KLHL36: variants seen among roughly 807,000 people sequenced by gnomAD.
The protein encoded by KLHL36 is kelch like family member 36.
In KLHL36, 35 loss-of-function variants were observed where a neutral mutation model predicts 53.3. The ratio of observed to expected loss-of-function variants is 0.66; its 90% CI spans 0.50 to 0.87. The LOEUF (loss-of-function observed/expected upper bound fraction) is 0.87. KLHL36 is among the 40% of genes least tolerant of loss of function. KLHL36 has a pLI of 0.00. For synonymous variants in KLHL36, 472 were observed against 398.9 expected (o/e 1.18, Z -2.18); for missense variants, 864 against 897.6 (o/e 0.96, Z 0.48).
At chr16:84,653,839 C>CG (rs1907045536) in intron 2 of KLHL36, among the ~76,000 whole-genome samples, 1 of 62,774 alleles carries the variant, frequency 1.6e-5, no homozygotes, top group African/African-American at 7.6e-5. Context: ...GGCTCTGTAT[C>CG]CAAAAAAAAA....
intron 2 of KLHL36, among the ~76,000 whole-genome samples, chr16:84,652,008 C>G (rs1567555664): frequency 1.3e-5 from 2 of 152,200 alleles, no homozygotes; most frequent in African/African-American, 4.8e-5. Context: ...GAGGTTGGCT[C>G]TCTTGAGATA....
At chr16:84,656,135 T>G (rs551876714) in intron 2 of KLHL36, among the ~76,000 whole-genome samples, 7 of 152,310 alleles carry the variant, frequency 4.6e-5, no homozygotes, top group East Asian at 3.9e-4. Flanking sequence ...CCTCAAGTGA[T>G]TCTCCCGTCT....
In KLHL36 at chr16:84,648,561, G is replaced by T. The variant is rs1906588903; in HGVS notation, c.-105G>T. On this transcript the variant is annotated 5_prime_UTR_variant, in exon 1 of 5. Transcript: ENST00000564996. This position sits in a 1 kb window ranked among gnomAD's most constrained non-coding sequence, Gnocchi z 4.9. ...CCATGGCTGCGCAGCGGGCTGGCCG[G>T]GGGTCTCCTGAACCCGGGCCCCGCC... 1 of 147,368 alleles carries T rather than the reference G, an allele frequency of 6.8e-6. No homozygotes were observed. Among genetic ancestry groups the T allele is most frequent in the Admixed American group, 6.8e-5 (1 of 14,772 alleles). 9.1% of individuals were successfully genotyped at this position (147,368 alleles called of 1,614,324 possible). A position where few individuals can be genotyped will look rare whatever the true frequency, so the allele number is the denominator to read the frequency against.
At position 84,661,913 on chromosome 16, in the gene KLHL36, G is replaced by A; in HGVS notation, c.1631G>A (p.Trp544Ter). 1 of 1,599,248 alleles carries A rather than the reference G, an allele frequency of 6.3e-7. No individual in the cohort carries two copies. The highest frequency in any genetic ancestry group is 8.5e-7 in the Non-Finnish European group (1 of 1,170,928). The change falls in exon 5 of 5, where the codon TGG (tryptophan) becomes TAG (stop). Residue 544 changes from tryptophan to a stop codon, truncating the protein, a stop_gained. Transcript: ENST00000564996. LOFTEE classifies it high-confidence loss of function. The surrounding 1 kb of genome is among the most constrained non-coding windows in gnomAD (Gnocchi z 7.9). ...HANSESGVAV[W>*]EGRIYILGGY... ...AACAGCGAGTCGGGCGTGGCAGTGT[G>A]GGAGGGCCGCATCTACATCCTGGGC...
At chr16:84,659,673 C>A in intron 3 of KLHL36, 87 bp from the exon 4 acceptor site, 1 of 1,367,504 alleles carries the variant, frequency 7.3e-7, no homozygotes, top group Non-Finnish European at 1.0e-6. Context: ...TTGTGCATTC[C>A]GCAGACACAT....
chr16:84,655,539 C>CA (rs1907149800), intron 2 of KLHL36, among the ~76,000 whole-genome samples: 1 of 151,454 alleles, frequency 6.6e-6, no homozygotes, highest in South Asian at 2.1e-4. Context: ...CTCGTCTCTA[C>CA]AAAAAAATTT....
chr16:84,659,855 C>T lies in KLHL36; in HGVS notation c.1233C>T (p.Leu411=). 6.2e-7 allele frequency: 1 copy of T among 1,614,178 alleles called. No individual in the cohort carries two copies. The highest frequency in any genetic ancestry group is 1.1e-5 in the South Asian group (1 of 91,088). The part of the protein sequence containing the change: ...AIGGRNENGA[L]SSVETYSPKT... ...GCGGCCGGAATGAGAACGGAGCGCT[C>T]TCTTCAGTAGAGACGTACAGTCCCA... The change falls in exon 4 of 5, where the codon CTC becomes CTT. Residue 411 remains leucine, a synonymous_variant. Coordinates refer to ENST00000564996, the MANE Select transcript of KLHL36 (RefSeq NM_024731.4).
At position 84,656,861 on chromosome 16, in the gene KLHL36, C is replaced by G; in HGVS notation, c.64-10C>G. ...TGCTGCGCCGTTTCTAATGTGTCTT[C>G]TCTGTCCAGGTATACCGCTGGGCCG... On this transcript the variant is annotated splice_polypyrimidine_tract_variant and intron_variant, in intron 2 of 4. Transcript: ENST00000564996. 1.9e-6 allele frequency: 3 copies of G among 1,592,404 alleles called. No homozygotes were observed. The highest frequency in any genetic ancestry group is 2.6e-6 in the Non-Finnish European group (3 of 1,166,376).
Position 84,661,623 on chromosome 16 carries a change from C to T in KLHL36, c.1341C>T (p.Tyr447=). Residue 447 remains tyrosine (Y), a synonymous_variant, in exon 5 of 5, where the codon TAC becomes TAT. Coordinates refer to ENST00000564996, the MANE Select transcript of KLHL36 (RefSeq NM_024731.4). This position sits in a 1 kb window ranked among gnomAD's most constrained non-coding sequence, Gnocchi z 7.9. ...GCACCATCTACAAAGACTTCGTGTA[C>T]ATCTCGGGGGGCCACGACTACCAAA... ...HAGTIYKDFV[Y]ISGGHDYQIG... The T allele has an allele frequency of 1.3e-6, 2 of 1,538,408 alleles. No homozygotes were observed. The highest frequency in any genetic ancestry group is 1.7e-4 in the Middle Eastern group (1 of 5,778).
rs113631350 is a variant in KLHL36, at chr16:84,648,792, C to T, written c.-17+143C>T. 25,995 of 141,966 alleles carry T rather than the reference C, an allele frequency of 0.18. 3,196 individuals are homozygous for T. The highest frequency in any genetic ancestry group is 0.27 in the Non-Finnish European group (17,663 of 64,360). The allele number at this position is 141,966 out of a possible 1,614,324, so 8.8% of individuals were successfully genotyped here. A position where few individuals can be genotyped will look rare whatever the true frequency, so the allele number is the denominator to read the frequency against. ...CTGCGCCCCTTGGTGCCGGGGCGGGCGGGTGGGCGAGTGGGGGCGCCGCGG... is the reference window on the plus strand; with the variant it reads ...CTGCGCCCCTTGGTGCCGGGGCGGGTGGGTGGGCGAGTGGGGGCGCCGCGG... On this transcript the variant is annotated intron_variant, in intron 1 of 4. Transcript: ENST00000564996. This position sits in a 1 kb window ranked among gnomAD's most constrained non-coding sequence, Gnocchi z 4.9.
chr16:84,652,947 G>A lies in KLHL36; in HGVS notation c.63+2017G>A, dbSNP rs368575760. ...AAGATGTGTTGCTCAGCCAGGCACAGTGGCTCACGCCTGTAATCCCAGCAC... is the reference window on the plus strand; with the variant it reads ...AAGATGTGTTGCTCAGCCAGGCACAATGGCTCACGCCTGTAATCCCAGCAC... On this transcript the variant is annotated intron_variant, in intron 2 of 4. Coordinates refer to ENST00000564996, the MANE Select transcript of KLHL36 (RefSeq NM_024731.4). Among the ~76,000 whole-genome samples, 30 of 152,318 alleles carry A rather than the reference G, an allele frequency of 2.0e-4. No individual in the cohort carries two copies. The East Asian group carries it at 5.0e-3, about 25-fold the overall frequency.
intron 2 of KLHL36, 109 bp downstream of exon 2, chr16:84,651,039 C>T: frequency 1.1e-6 from 1 of 875,278 alleles, no homozygotes; most frequent in Admixed American, 2.7e-5. Flanking sequence ...TTGGTGTTGT[C>T]AGTCTCCTTA....
chr16:84,652,108 C>G (rs530333212), intron 2 of KLHL36, among the ~76,000 whole-genome samples: 2 of 152,166 alleles, frequency 1.3e-5, no homozygotes, highest in African/African-American at 2.4e-5. Context: ...TCTCGCCGCT[C>G]GCTCACAAGG....
At chr16:84,654,073 G>C (rs1408177154) in intron 2 of KLHL36, among the ~76,000 whole-genome samples, 1 of 152,254 alleles carries the variant, frequency 6.6e-6, no homozygotes, top group Middle Eastern at 3.4e-3. Context: ...GCTTTCCCCA[G>C]TCCTGCCCCC....
In KLHL36 at chr16:84,663,323, G is replaced by C. The variant is rs1907666939; in HGVS notation, c.*1190G>C. 6.6e-6 allele frequency: 1 copy of C among 152,326 alleles called. No individual in the cohort carries two copies. Among genetic ancestry groups the C allele is most frequent in the Non-Finnish European group, 1.5e-5 (1 of 68,108 alleles). The allele number at this position is 152,326 out of a possible 1,614,324, so 9.4% of individuals were successfully genotyped here. A position where few individuals can be genotyped will look rare whatever the true frequency, so the allele number is the denominator to read the frequency against. On this transcript the variant is annotated 3_prime_UTR_variant, in exon 5 of 5. Coordinates refer to ENST00000564996, the MANE Select transcript of KLHL36 (RefSeq NM_024731.4). ...GATAGGGCCATTCAGCCTCTGAGCT[G>C]TTCGTACCCGGATGGCATCCCCTTC...
In KLHL36 at chr16:84,661,968, C is replaced by T. The variant is rs756713263; in HGVS notation, c.1686C>T (p.Ser562=). 1.3e-6 allele frequency: 2 copies of T among 1,599,110 alleles called. No individual in the cohort carries two copies. Among genetic ancestry groups the T allele is most frequent in the Non-Finnish European group, 1.7e-6 (2 of 1,174,058 alleles). ...ACAGCTGGGAGAACACTGCCTTCTC[C>T]AAGACCGTGCAGGTGTACGACCGCG... ...GGYSWENTAF[S]KTVQVYDREA... Residue 562 remains serine (S), a synonymous_variant, in exon 5 of 5, where the codon TCC becomes TCT. Coordinates refer to ENST00000564996, the MANE Select transcript of KLHL36 (RefSeq NM_024731.4). This position sits in a 1 kb window ranked among gnomAD's most constrained non-coding sequence, Gnocchi z 7.9.
rs977382705 is a variant in KLHL36 at position 84,660,081 on chromosome 16, C to T, written c.1295+164C>T. Among the ~76,000 whole-genome samples the T allele has an allele frequency of 2.6e-5, 4 of 152,104 alleles. No individual in the cohort carries two copies. The East Asian group carries it at 5.8e-4, about 22-fold the overall frequency. On this transcript the variant is annotated intron_variant, in intron 4 of 4. Transcript: ENST00000564996. ...ACACCATGAGGGGCGGAGGGCGTGA[C>T]GGTGCACAGTCCGGGCTCCGGTTTC...
At position 84,659,585 on chromosome 16, in the gene KLHL36, C is replaced by T. The variant is rs1016999831; in HGVS notation, c.1138-175C>T. ...GGGGATTCAGAGCATCTTGGTGAAACCTCGGGGGCTCAGAGCTCCCACCTG... is the reference window on the plus strand; with the variant it reads ...GGGGATTCAGAGCATCTTGGTGAAATCTCGGGGGCTCAGAGCTCCCACCTG... On this transcript the variant is annotated intron_variant, in intron 3 of 4. Coordinates refer to ENST00000564996, the MANE Select transcript of KLHL36 (RefSeq NM_024731.4). The T allele has an allele frequency of 6.3e-6, 4 of 633,344 alleles. No individual in the cohort carries two copies. In the African/African-American group the frequency reaches 7.3e-5, roughly 12 times the overall value. 39.2% of individuals were successfully genotyped at this position (633,344 alleles called of 1,614,324 possible). A position where few individuals can be genotyped will look rare whatever the true frequency, so the allele number is the denominator to read the frequency against.
chr16:84,656,221 G>A (rs1907190039), intron 2 of KLHL36, among the ~76,000 whole-genome samples: 1 of 151,434 alleles, frequency 6.6e-6, no homozygotes, highest in Admixed American at 6.6e-5. Context: ...TTGGTTTTGG[G>A]TTTTTTTGGT....
Sources: allele counts gnomAD v4.1 joint callset (sites outside exome capture counted in the v4.1 genomes callset), GRCh38; gene constraint gnomAD v4.1.1; non-coding constraint Gnocchi (gnomAD v3.1); transcripts MANE v1.5; gene names NCBI Gene and HGNC (gene_info 2026-07-23, HGNC 2026-07-21).